The following TPRG1 variants were observed in gnomAD, a reference collection of about 807,000 sequenced individuals.
TPRG1 encodes the protein tumor protein p63-regulated gene 1 protein.
In TPRG1, 29 loss-of-function variants were observed where a neutral mutation model predicts 29.3. The ratio of observed to expected loss-of-function variants is 0.99; its 90% CI spans 0.74 to 1.35. The LOEUF is 1.35. Ranked by LOEUF, TPRG1 falls within the 40% of genes most tolerant of loss-of-function variation. TPRG1 has a pLI of 0.00. For missense variants in TPRG1, 327 were observed against 335.0 expected, an observed-to-expected ratio of 0.98 and a Z score of 0.19; for synonymous variants, 130 against 116.8, an observed-to-expected ratio of 1.11 and a Z score of -0.73.
At chr3:189,079,407 C>T (rs987724465) in intron 4 of TPRG1, among the ~76,000 whole-genome samples, 2 of 152,310 alleles carry the variant, frequency 1.3e-5, no homozygotes, top group African/African-American at 4.8e-5. Context: ...TGTTATCACC[C>T]TCTAAATTGG....
At chr3:189,191,080 A>T (rs1731621106) in intron 1 of TPRG1, 3 of 512,296 alleles carry the variant, frequency 5.9e-6, no homozygotes, top group Non-Finnish European at 7.5e-6. Context: ...ACACGTAAAT[A>T]TACATGTATT....
chr3:189,231,776 G>A (rs1738693454), intron 3 of TPRG1, among the ~76,000 whole-genome samples: 1 of 152,134 alleles, frequency 6.6e-6, no homozygotes, highest in Non-Finnish European at 1.5e-5. Flanking sequence ...TATTTATCAG[G>A]ATTGTTGGTG....
intron 3 of TPRG1, among the ~76,000 whole-genome samples, chr3:189,019,284 G>A (rs540651684): frequency 6.6e-6 from 1 of 152,208 alleles, no homozygotes; most frequent in South Asian, 2.1e-4. Flanking sequence ...TAGGAGTCGT[G>A]AGAGAGGGCA....
intron 1 of TPRG1, among the ~76,000 whole-genome samples, chr3:189,180,185 A>T (rs1046064495): frequency 6.6e-6 from 1 of 152,180 alleles, no homozygotes; most frequent in Non-Finnish European, 1.5e-5. Flanking sequence ...GTCCTCCCAT[A>T]GCATGTGGGA....
chr3:189,123,161 C>T (rs1722032881), intron 1 of TPRG1, among the ~76,000 whole-genome samples: 1 of 152,126 alleles, frequency 6.6e-6, no homozygotes. Context: ...AGAGAAATAG[C>T]CCCTTTAAAG....
At chr3:189,202,160 G>A (rs1733605278) in intron 1 of TPRG1, among the ~76,000 whole-genome samples, 1 of 152,102 alleles carries the variant, frequency 6.6e-6, no homozygotes, top group South Asian at 2.1e-4. Flanking sequence ...TTTACCGGGG[G>A]CCAACTATGG....
chr3:189,032,895 A>G (rs994797401), intron 4 of TPRG1, among the ~76,000 whole-genome samples: 3 of 151,392 alleles, frequency 2.0e-5, no homozygotes, highest in Non-Finnish European at 2.9e-5. Flanking sequence ...ATGATTTCCA[A>G]TTTCATCCAT....
intron 1 of TPRG1, among the ~76,000 whole-genome samples, chr3:189,180,272 T>C (rs1372782283): frequency 6.6e-6 from 1 of 152,124 alleles, no homozygotes; most frequent in Non-Finnish European, 1.5e-5. Flanking sequence ...TCTCATGTTC[T>C]CACATTTCAA....
At chr3:189,063,306 A>G (rs575143274) in intron 4 of TPRG1, among the ~76,000 whole-genome samples, 7 of 152,252 alleles carry the variant, frequency 4.6e-5, no homozygotes, top group African/African-American at 1.7e-4. Context: ...CTACAGTTAT[A>G]ATTCAGTACT....
chr3:189,207,063 A>C, intron 1 of TPRG1: 1 of 547,000 alleles, frequency 1.8e-6, no homozygotes, highest in Non-Finnish European at 2.3e-6. Context: ...GCAATTTTGA[A>C]GAGAAATTGT....
At chr3:189,286,431 C>G (rs1274412206) in intron 4 of TPRG1, among the ~76,000 whole-genome samples, 1 of 152,078 alleles carries the variant, frequency 6.6e-6, no homozygotes, top group Non-Finnish European at 1.5e-5. Flanking sequence ...TCTGTGTCTA[C>G]AACAATGCCA....
At chr3:189,139,878 T>C (rs573483439) in intron 3 of TPRG1, among the ~76,000 whole-genome samples, 1 of 152,208 alleles carries the variant, frequency 6.6e-6, no homozygotes, top group South Asian at 2.1e-4. Context: ...TTAAATCCAG[T>C]CTCCAGAATG....
intron 4 of TPRG1, among the ~76,000 whole-genome samples, chr3:189,278,696 G>C (rs1716586314): frequency 6.6e-6 from 1 of 152,178 alleles, no homozygotes; most frequent in South Asian, 2.1e-4. Context: ...TGTGTGTCAA[G>C]TATTGTGCCA....
chr3:189,026,493 T>G (rs185347334), intron 4 of TPRG1, among the ~76,000 whole-genome samples: 61 of 152,340 alleles, frequency 4.0e-4, no homozygotes, highest in Non-Finnish European at 3.4e-4. Flanking sequence ...TGCACATTGC[T>G]GGGCAGGTGA....
intron 3 of TPRG1, among the ~76,000 whole-genome samples, chr3:189,136,762 A>G (rs1578483936): frequency 6.6e-6 from 1 of 152,136 alleles, no homozygotes; most frequent in South Asian, 2.1e-4. Flanking sequence ...AAATAGATAA[A>G]TGACTCTTCA....
At chr3:189,279,144 G>A (rs1515081) in intron 4 of TPRG1, among the ~76,000 whole-genome samples, 49,688 of 152,078 alleles carry the variant, frequency 0.33, 11,577 homozygotes, top group African/African-American at 0.67. Flanking sequence ...ATATAAATGA[G>A]TGAATACACC....
intron 4 of TPRG1, among the ~76,000 whole-genome samples, chr3:189,283,376 C>T (rs1341992585): frequency 3.3e-5 from 5 of 152,086 alleles, no homozygotes; most frequent in Non-Finnish European, 5.9e-5. Context: ...TGTTTTATTC[C>T]AGTGTTTCTT....
At chr3:189,022,187 G>T (rs145313532) in intron 3 of TPRG1, among the ~76,000 whole-genome samples, 1 of 151,880 alleles carries the variant, frequency 6.6e-6, no homozygotes, top group African/African-American at 2.4e-5. Flanking sequence ...ATGTCCTCCC[G>T]TAGCTCAGAG....
intron 1 of TPRG1, among the ~76,000 whole-genome samples, chr3:189,105,494 C>A (rs1719712084): frequency 6.6e-6 from 1 of 152,076 alleles, no homozygotes; most frequent in South Asian, 2.1e-4. Flanking sequence ...CATAATGAGC[C>A]TCTCTCATAT....
Sources: gnomAD v4.1 joint callset for allele counts (sites outside exome capture counted in the v4.1 genomes callset) on GRCh38, gnomAD v4.1.1 for gene constraint, MANE v1.5 for transcripts, NCBI Gene and HGNC (gene_info 2026-07-23, HGNC 2026-07-21) for gene names.